The following ZNF540 variants were observed in gnomAD, a reference collection of about 807,000 sequenced individuals.
The protein encoded by ZNF540 is CTD-3064H18.6.
In ZNF540, 3 loss-of-function variants were observed where a neutral mutation model predicts 11.8. The ratio of observed to expected loss-of-function variants is 0.25; its 90% CI spans 0.12 to 0.65. The LOEUF (loss-of-function observed/expected upper bound fraction) is 0.65. Among genes scored for constraint, ZNF540 ranks in the 30% least tolerant of loss-of-function variants. The pLI is 0.83. For missense variants in ZNF540, 709 were observed against 793.1 expected (o/e 0.89, Z 1.27); for synonymous variants, 247 against 259.0 (o/e 0.95, Z 0.45).
chr19:37,607,476 CCT>C, intron 4 of ZNF540, among the ~76,000 whole-genome samples: 1 of 152,110 alleles, frequency 6.6e-6, no homozygotes, highest in Non-Finnish European at 1.5e-5. Flanking sequence ...CCTAGTCATC[CCT>C]CTCTCCACCC....
intron 1 of ZNF540, among the ~76,000 whole-genome samples, chr19:37,553,113 CTTTTTTTTTTTTTTTTTTTTT>C (rs746114598): frequency 0.017 from 579 of 33,114 alleles, 10 homozygotes; most frequent in African/African-American, 0.066. Flanking sequence ...AACCTAACAT[CTTTTTTTTTTTTTTTTTTTTT>C]TTTTTTTTTT....
intron 1 of ZNF540, among the ~76,000 whole-genome samples, chr19:37,572,099 A>G (rs993896894): frequency 6.6e-6 from 1 of 152,226 alleles, no homozygotes; most frequent in Non-Finnish European, 1.5e-5. Context: ...ACCATCATTC[A>G]CATGAGAAAA....
chr19:37,595,708 A>C (rs1240213628), intron 1 of ZNF540, among the ~76,000 whole-genome samples: 1 of 152,224 alleles, frequency 6.6e-6, no homozygotes, highest in Non-Finnish European at 1.5e-5. Flanking sequence ...AATTTCTGCA[A>C]AACTGAGTTC....
chr19:37,558,218 A>T (rs767288475), intron 1 of ZNF540, among the ~76,000 whole-genome samples: 14 of 152,180 alleles, frequency 9.2e-5, no homozygotes, highest in Non-Finnish European at 1.8e-4. Context: ...CAGCCTTTTC[A>T]GCTGCCTGTG....
Position 37,564,850 on chromosome 19 carries a change from A to C in ZNF540, c.-73+13185A>C, listed in dbSNP as rs369181031. 7.4e-6 allele frequency: 12 copies of C among 1,613,850 alleles called. No homozygotes were observed. In the African/African-American group the frequency reaches 1.5e-4, roughly 20 times the overall value. On this transcript the variant is annotated intron_variant, in intron 1 of 4. Coordinates refer to the ZNF540 transcript ENST00000592533. Reference sequence around the variant, plus strand: ...ACTGTTTACATTCATAAGGTTTTTCACCTCTGTGAATTCTCTGATGTTCAC... The same window carrying C: ...ACTGTTTACATTCATAAGGTTTTTCCCCTCTGTGAATTCTCTGATGTTCAC...
chr19:37,604,157 T>A (rs1488817772), intron 4 of ZNF540, among the ~76,000 whole-genome samples: 4 of 152,090 alleles, frequency 2.6e-5, no homozygotes, highest in African/African-American at 9.7e-5. Flanking sequence ...TGTTTCACAA[T>A]GGAATTTCAT....
chr19:37,600,943 C>A, intron 3 of ZNF540, 67 bp from the exon 4 acceptor site: 1 of 1,340,700 alleles, frequency 7.5e-7, no homozygotes, highest in Non-Finnish European at 1.0e-6. Flanking sequence ...TTAACCAAGT[C>A]TCAAAATGTT....
chr19:37,581,907 G>A lies in ZNF540; in HGVS notation c.-72-16469G>A, dbSNP rs1370816969. The stretch of plus-strand genomic sequence containing the variant: ...TTCTCAAGAGGTATGCATGCTTCCT[G>A]TCTATACCTTTTGCTTTTCTTTCTC... On this transcript the variant is annotated intron_variant, in intron 1 of 4. Transcript: ENST00000592533. Among the ~76,000 whole-genome samples the A allele has an allele frequency of 4.0e-5, 6 of 151,838 alleles. No homozygotes were observed. The East Asian group carries it at 1.2e-3, about 29-fold the overall frequency.
chr19:37,574,585 A>G (rs1332365280), intron 1 of ZNF540, among the ~76,000 whole-genome samples: 4 of 152,214 alleles, frequency 2.6e-5, no homozygotes, highest in African/African-American at 9.7e-5. Flanking sequence ...CCTCATACAT[A>G]CACAAATTTT....
At position 37,595,105 on chromosome 19, in the gene ZNF540, G is replaced by A. The variant is rs1038921781; in HGVS notation, c.-73+10G>A. ...TGCAAAAGGCTGTCAGGTAAGGTCT[G>A]GATTTCTCTCTGACAGCTCTGGCCG... On this transcript the variant is annotated intron_variant, in intron 1 of 4. Coordinates refer to ENST00000316433, the MANE Select transcript of ZNF540 (RefSeq NM_001172225.3). 6.6e-6 allele frequency: 1 copy of A among 152,194 alleles called. No individual in the cohort carries two copies. The highest frequency in any genetic ancestry group is 2.4e-5 in the African/African-American group (1 of 41,442). 9.4% of individuals were successfully genotyped at this position (152,194 alleles called of 1,614,324 possible). A position where few individuals can be genotyped will look rare whatever the true frequency, so the allele number is the denominator to read the frequency against.
intron 2 of ZNF540, among the ~76,000 whole-genome samples, 179 bp from the exon 3 acceptor site, chr19:37,599,447 G>T (rs925246308): frequency 6.6e-6 from 1 of 152,176 alleles, no homozygotes; most frequent in Non-Finnish European, 1.5e-5. Flanking sequence ...TCAAGAAAAT[G>T]AGGTGACTCT....
At chr19:37,604,289 A>T (rs946576017) in intron 4 of ZNF540, among the ~76,000 whole-genome samples, 1 of 92,802 alleles carries the variant, frequency 1.1e-5, no homozygotes, top group Non-Finnish European at 2.2e-5. Flanking sequence ...TTTGGAAAAT[A>T]GCCTTACTTT....
intron 1 of ZNF540, among the ~76,000 whole-genome samples, chr19:37,566,644 C>G (rs751260087): frequency 6.6e-6 from 1 of 152,108 alleles, no homozygotes; most frequent in Non-Finnish European, 1.5e-5. Context: ...GCTCTCCTGT[C>G]AACATTAAGA....
chr19:37,561,046 T>TA (rs2042710462), intron 1 of ZNF540, among the ~76,000 whole-genome samples: 1 of 11,430 alleles, frequency 8.7e-5, no homozygotes, highest in Admixed American at 1.1e-3. Flanking sequence ...ACCCTGTCTC[T>TA]ACAAAAAAAA....
chr19:37,565,330 T>C lies in ZNF540; in HGVS notation c.-73+13665T>C, dbSNP rs1420472273. 4 of 1,612,466 alleles carry C rather than the reference T, an allele frequency of 2.5e-6. No homozygotes were observed. The East Asian group carries it at 6.7e-5, about 27-fold the overall frequency. The stretch of plus-strand genomic sequence containing the variant: ...CACGAAAAAAGGTCTTCCCGCATTC[T>C]TTACATTCATAGGGTTTCTCTCCTG... On this transcript the variant is annotated intron_variant, in intron 1 of 4. Coordinates refer to the ZNF540 transcript ENST00000592533.
At chr19:37,566,617 A>G in intron 1 of ZNF540, 1 of 207,946 alleles carries the variant, frequency 4.8e-6, no homozygotes, top group Non-Finnish European at 9.6e-6. Flanking sequence ...CATACAATCT[A>G]TCAACAAATC....
Position 37,614,055 on chromosome 19 carries a change from A to T in ZNF540, c.*792A>T. 2 of 393,608 alleles carry T rather than the reference A, an allele frequency of 5.1e-6. No individual in the cohort carries two copies. The highest frequency in any genetic ancestry group is 8.9e-6 in the Non-Finnish European group (2 of 223,518). The allele number at this position is 393,608 out of a possible 1,614,324, so 24.4% of individuals were successfully genotyped here. On this transcript the variant is annotated 3_prime_UTR_variant, in exon 5 of 5. Transcript: ENST00000316433. ...GCTGGCACCTTGACCTTGGACTTTC[A>T]GCCTCCAAAACTGTGAGAAATAAAC... is the stretch of plus-strand genomic sequence containing the variant.
chr19:37,613,384 T>A lies in ZNF540; in HGVS notation c.*121T>A. The A allele has an allele frequency of 2.9e-6, 2 of 683,442 alleles. No homozygotes were observed. Among genetic ancestry groups the A allele is most frequent in the Non-Finnish European group, 4.4e-6 (2 of 449,466 alleles). The allele number at this position is 683,442 out of a possible 1,614,324, so 42.3% of individuals were successfully genotyped here. On this transcript the variant is annotated 3_prime_UTR_variant, in exon 5 of 5. Coordinates refer to ENST00000316433, the MANE Select transcript of ZNF540 (RefSeq NM_001172225.3). ...ATTAACTTAATAAATGTATGAGTCTTAAATACCTCTTAGTTCTCATTAAAT... is the reference window on the plus strand; with the variant it reads ...ATTAACTTAATAAATGTATGAGTCTAAAATACCTCTTAGTTCTCATTAAAT...
intron 1 of ZNF540, among the ~76,000 whole-genome samples, chr19:37,588,498 T>C (rs1222368414): frequency 6.6e-6 from 1 of 152,148 alleles, no homozygotes; most frequent in Non-Finnish European, 1.5e-5. Context: ...AACTGGAAGC[T>C]AAGCACTGGG....
Sources: gnomAD v4.1 joint callset for allele counts (sites outside exome capture counted in the v4.1 genomes callset) on GRCh38, gnomAD v4.1.1 for gene constraint, MANE v1.5 for transcripts, NCBI Gene and HGNC (gene_info 2026-07-23, HGNC 2026-07-21) for gene names.